Variants in CCDC92 observed in about 807,000 individuals in gnomAD.
CCDC92 encodes coiled-coil domain containing 92.
In CCDC92, 12 loss-of-function variants were observed where a neutral mutation model predicts 24.9. The ratio of observed to expected loss-of-function variants is 0.48; its 90% CI spans 0.31 to 0.78. The LOEUF (loss-of-function observed/expected upper bound fraction) is 0.78. Among genes scored for constraint, CCDC92 ranks in the 30% least tolerant of loss-of-function variants. The pLI is 0.05. For missense variants in CCDC92, 399 were observed against 439.4 expected, an observed-to-expected ratio of 0.91 and a Z score of 0.82; for synonymous variants, 193 against 196.3, an observed-to-expected ratio of 0.98 and a Z score of 0.14.
rs557820715 is a variant in CCDC92 at position 123,953,112 on chromosome 12, T to C, written c.-59-8748A>G. On this transcript the variant is annotated intron_variant, in intron 1 of 4. Coordinates refer to ENST00000238156, the MANE Select transcript of CCDC92 (RefSeq NM_025140.3). ...TGATAAAGTGGTAACTGAACTAAAT[T>C]TGGACTCATCCAAATGCGGAAACTT... Among the ~76,000 whole-genome samples, 5 of 152,280 alleles carry C rather than the reference T, an allele frequency of 3.3e-5. No homozygotes were observed. The South Asian group carries it at 8.3e-4, about 25-fold the overall frequency.
intron 1 of CCDC92, chr12:123,945,917 G>C (rs1473714975): frequency 6.4e-6 from 1 of 157,158 alleles, no homozygotes. Flanking sequence ...CCTAGGCCTA[G>C]TGTCCTACCC....
chr12:123,969,791 T>C (rs1274251929), intron 1 of CCDC92, among the ~76,000 whole-genome samples: 3 of 152,218 alleles, frequency 2.0e-5, no homozygotes, highest in Admixed American at 2.0e-4. Flanking sequence ...AAAAGAACGA[T>C]TCACCTTCAT....
intron 4 of CCDC92, among the ~76,000 whole-genome samples, chr12:123,940,679 A>T (rs1955657156): frequency 1.3e-5 from 2 of 152,212 alleles, no homozygotes; most frequent in Admixed American, 1.3e-4. Flanking sequence ...CTGAGCTGAC[A>T]GCAGCCAACT....
chr12:123,946,657 A>G (rs1479230794), intron 1 of CCDC92: 2 of 152,314 alleles, frequency 1.3e-5, no homozygotes, highest in African/African-American at 4.8e-5. Flanking sequence ...AGGCCCACGA[A>G]TGGGCCTGGT....
At chr12:123,953,806 A>G (rs1956085813) in intron 1 of CCDC92, among the ~76,000 whole-genome samples, 1 of 150,894 alleles carries the variant, frequency 6.6e-6, no homozygotes, top group African/African-American at 2.4e-5. Context: ...AAAAACAAAA[A>G]TTAGCCAGGT....
intron 1 of CCDC92, among the ~76,000 whole-genome samples, chr12:123,947,913 C>T (rs977891899): frequency 1.3e-5 from 2 of 152,152 alleles, no homozygotes; most frequent in African/African-American, 2.4e-5. Flanking sequence ...ACACTCACTG[C>T]GAAGGTCTGC....
At chr12:123,946,745 T>C (rs79843620) in intron 1 of CCDC92, 10,027 of 152,544 alleles carry the variant, frequency 0.066, 695 homozygotes, top group African/African-American at 0.17. Context: ...TTCCATGGGC[T>C]TCCTATTTAG....
rs200277506 is a variant in CCDC92, at chr12:123,937,353, C to T, written c.701G>A (p.Arg234Gln). Residue 234 changes from arginine to glutamine, a missense_variant, in exon 5 of 5, where the codon CGG (arginine) becomes CAG (glutamine). By Grantham distance (43) the Arg-to-Gln change is conservative (BLOSUM62 1). Transcript: ENST00000238156. This position sits in a 1 kb window ranked among gnomAD's most constrained non-coding sequence, Gnocchi z 8.4. ...FGAESRKLLL[R>Q]EPVDAMPDPT... ...GTCGGGCATAGCATCCACTGGTTCCCGCAAAAGGAGTTTCCTGCTCTCTGC... is the reference window on the plus strand; with the variant it reads ...GTCGGGCATAGCATCCACTGGTTCCTGCAAAAGGAGTTTCCTGCTCTCTGC... The T allele has an allele frequency of 1.6e-4, 256 of 1,613,900 alleles. No homozygotes were observed. Among genetic ancestry groups the T allele is most frequent in the Non-Finnish European group, 2.1e-4 (247 of 1,180,026 alleles).
chr12:123,971,279 C>T (rs1344288623), intron 1 of CCDC92, among the ~76,000 whole-genome samples: 2 of 151,068 alleles, frequency 1.3e-5, no homozygotes, highest in Non-Finnish European at 2.9e-5. Flanking sequence ...TTCTTCCAAG[C>T]ATATTTCACA....
chr12:123,939,332 C>G (rs138544382), intron 4 of CCDC92, among the ~76,000 whole-genome samples: 2 of 152,248 alleles, frequency 1.3e-5, no homozygotes, highest in East Asian at 1.9e-4. Flanking sequence ...CGCCGCCAGA[C>G]TCTGAGCTTT....
chr12:123,942,766 T>C lies in CCDC92; in HGVS notation c.201A>G (p.Thr67=), dbSNP rs765117115. 3 of 1,608,400 alleles carry C rather than the reference T, an allele frequency of 1.9e-6. No homozygotes were observed. Among genetic ancestry groups the C allele is most frequent in the Non-Finnish European group, 1.7e-6 (2 of 1,174,672 alleles). Residue 67 remains threonine, a synonymous_variant, in exon 4 of 5, where the codon ACA becomes ACG. Coordinates refer to ENST00000238156, the MANE Select transcript of CCDC92 (RefSeq NM_025140.3). ...TACCTGTCTGTTCCGAACTTTTGAC[T>C]GTCAGCTCATATGTTAAATCTAAAA... The part of the protein sequence containing the change: ...QHCTDLTYEL[T]VKSSEQTGDG...
chr12:123,948,558 G>C (rs1220216486), intron 1 of CCDC92, among the ~76,000 whole-genome samples: 1 of 152,222 alleles, frequency 6.6e-6, no homozygotes, highest in Non-Finnish European at 1.5e-5. Flanking sequence ...GCGCTGGTGA[G>C]CCACTCGGAG....
chr12:123,940,316 G>A (rs1271274159), intron 4 of CCDC92, among the ~76,000 whole-genome samples: 3 of 152,154 alleles, frequency 2.0e-5, no homozygotes, highest in Non-Finnish European at 4.4e-5. Flanking sequence ...GCATCACTCT[G>A]GTTCTTTTCG....
At position 123,943,335 on chromosome 12, in the gene CCDC92, T is replaced by C; in HGVS notation, c.181+12A>G. 1 of 1,610,492 alleles carries C rather than the reference T, an allele frequency of 6.2e-7. No individual in the cohort carries two copies. Among genetic ancestry groups the C allele is most frequent in the East Asian group, 2.2e-5 (1 of 44,858 alleles). On this transcript the variant is annotated intron_variant, in intron 3 of 4. Transcript: ENST00000238156. ...CCGCCCCCCGCCTGCCCGGGCCTGC[T>C]CCCCGATGTACCTGTGCAGTGCTGC...
intron 1 of CCDC92, among the ~76,000 whole-genome samples, chr12:123,957,297 G>A (rs1168807610): frequency 6.6e-6 from 1 of 152,236 alleles, no homozygotes; most frequent in Non-Finnish European, 1.5e-5. Flanking sequence ...GGCCAGTCAG[G>A]AGCCTGGAGA....
chr12:123,951,160 TGCA>T (rs1314325695), intron 1 of CCDC92, among the ~76,000 whole-genome samples: 1 of 152,210 alleles, frequency 6.6e-6, no homozygotes, highest in African/African-American at 2.4e-5. Context: ...ACATACGTGC[TGCA>T]GATCATTTCC....
chr12:123,936,865 G>C lies in CCDC92; in HGVS notation c.*193C>G, dbSNP rs941886493. ...CACAGGCGTTTGGCCACAGCAATTAGGAAATACATATTCTGCGGCAGGGAC... is the reference window on the plus strand; with the variant it reads ...CACAGGCGTTTGGCCACAGCAATTACGAAATACATATTCTGCGGCAGGGAC... On this transcript the variant is annotated 3_prime_UTR_variant, in exon 5 of 5. Coordinates refer to ENST00000238156, the MANE Select transcript of CCDC92 (RefSeq NM_025140.3). 1.1e-5 allele frequency: 7 copies of C among 660,948 alleles called. No individual in the cohort carries two copies. In the African/African-American group the frequency reaches 1.3e-4, roughly 12 times the overall value. 40.9% of individuals were successfully genotyped at this position (660,948 alleles called of 1,614,324 possible).
chr12:123,948,216 G>GA (rs1190729694), intron 1 of CCDC92, among the ~76,000 whole-genome samples: 3 of 152,244 alleles, frequency 2.0e-5, no homozygotes, highest in Admixed American at 2.0e-4. Flanking sequence ...GTGCCTATAT[G>GA]TAGATGTCAG....
rs985522515 is a variant in CCDC92 at position 123,939,415 on chromosome 12, G to A, written c.224-1585C>T. On this transcript the variant is annotated intron_variant, in intron 4 of 4. Transcript: ENST00000238156. ...GTTACAAGCTCGCTGCAGGTGATGGGCGCTCCTCGACTTAGCATGGGGTCA... is the reference window on the plus strand; with the variant it reads ...GTTACAAGCTCGCTGCAGGTGATGGACGCTCCTCGACTTAGCATGGGGTCA... Among the ~76,000 whole-genome samples, 10 of 152,320 alleles carry A rather than the reference G, an allele frequency of 6.6e-5. No individual in the cohort carries two copies. In the South Asian group the frequency reaches 1.0e-3, roughly 16 times the overall value.
Sources: allele counts gnomAD v4.1 joint callset (sites outside exome capture counted in the v4.1 genomes callset), GRCh38; gene constraint gnomAD v4.1.1; non-coding constraint Gnocchi (gnomAD v3.1); transcripts MANE v1.5; gene names NCBI Gene and HGNC (gene_info 2026-07-23, HGNC 2026-07-21).